EHBP1: variants seen among roughly 807,000 people sequenced by gnomAD.
The protein encoded by EHBP1 is EH domain-binding protein 1.
In EHBP1, 55 loss-of-function variants were observed where a neutral mutation model predicts 144.0. The ratio of observed to expected loss-of-function variants is 0.38; its 90% CI spans 0.31 to 0.48. The LOEUF (loss-of-function observed/expected upper bound fraction) is 0.48, where lower values mean the gene tolerates loss of function less well. EHBP1 is among the 20% of genes least tolerant of loss of function. The pLI, the probability that EHBP1 is intolerant of heterozygous loss-of-function variation, is 0.98. For missense variants in EHBP1, 1,200 were observed against 1,364.2 expected, an observed-to-expected ratio of 0.88 and a Z score of 1.90; for synonymous variants, 469 against 472.7, an observed-to-expected ratio of 0.99 and a Z score of 0.10.
chr2:62,681,265 C>T (rs1042060156), intron 1 of EHBP1, among the ~76,000 whole-genome samples: 9 of 145,870 alleles, frequency 6.2e-5, no homozygotes, highest in South Asian at 4.4e-4. Flanking sequence ...GAGATCATGC[C>T]ACTGCACTCC....
At chr2:62,679,971 C>CT (rs2151726433) in intron 1 of EHBP1, among the ~76,000 whole-genome samples, 1 of 152,288 alleles carries the variant, frequency 6.6e-6, no homozygotes, top group Non-Finnish European at 1.5e-5. Context: ...GCATGTTAAT[C>CT]CCCAACTCTT....
chr2:62,951,649 C>T lies in EHBP1; in HGVS notation c.2316+2487C>T, dbSNP rs572868689. On this transcript the variant is annotated intron_variant, in intron 13 of 22. Transcript: ENST00000431489. ...AAGTGATTCTCCTGCCTCAGCCTCC[C>T]GAGTAGCTGAGACTACAGGTGTGTA... Among the ~76,000 whole-genome samples the T allele has an allele frequency of 1.4e-3, 208 of 151,556 alleles. 1 individual carries two copies. The highest frequency in any genetic ancestry group is 4.6e-3 in the African/African-American group (191 of 41,316).
rs527324741 is a variant in EHBP1, at chr2:62,759,362, T to C, written c.163-4904T>C. The stretch of plus-strand genomic sequence containing the variant: ...CCTTTCTATTACTCAGAATGAAAAA[T>C]GATCAGGGCTCTCATAGTGCTGATG... On this transcript the variant is annotated intron_variant, in intron 3 of 22. Transcript: ENST00000431489. Among the ~76,000 whole-genome samples the C allele has an allele frequency of 7.9e-5, 12 of 152,266 alleles. No homozygotes were observed. The South Asian group carries it at 1.7e-3, about 21-fold the overall frequency.
chr2:62,878,590 C>G (rs2051092174), intron 10 of EHBP1, among the ~76,000 whole-genome samples: 1 of 152,144 alleles, frequency 6.6e-6, no homozygotes, highest in Non-Finnish European at 1.5e-5. Context: ...AAACTAAACC[C>G]AGCAGCACAT....
At chr2:62,804,595 A>T (rs1332417038) in intron 5 of EHBP1, among the ~76,000 whole-genome samples, 2 of 152,250 alleles carry the variant, frequency 1.3e-5, no homozygotes, top group African/African-American at 4.8e-5. Flanking sequence ...AAACTAACGT[A>T]TATTTAAAAT....
intron 2 of EHBP1, among the ~76,000 whole-genome samples, chr2:62,707,923 T>C (rs902950329): frequency 3.3e-5 from 5 of 152,240 alleles, no homozygotes; most frequent in Admixed American, 3.3e-4. Context: ...AGTGCTGGTC[T>C]GTGATTGGCT....
At chr2:62,764,132 G>A in intron 3 of EHBP1, 134 bp from the exon 4 acceptor site, 1 of 626,938 alleles carries the variant, frequency 1.6e-6, no homozygotes. Flanking sequence ...TACTACATAG[G>A]GTCAATATAC....
chr2:62,747,296 T>C, intron 2 of EHBP1, 99 bp from the exon 3 acceptor site: 1 of 956,948 alleles, frequency 1.0e-6, no homozygotes, highest in Non-Finnish European at 1.6e-6. Context: ...CTGCTTTATG[T>C]AGCCTAAAGC....
At chr2:62,939,758 G>A (rs2056624311) in intron 10 of EHBP1, among the ~76,000 whole-genome samples, 1 of 152,058 alleles carries the variant, frequency 6.6e-6, no homozygotes, top group Admixed American at 6.6e-5. Flanking sequence ...AGGGAAATGT[G>A]CAAAGGCCCC....
At chr2:62,763,386 A>C (rs1049869303) in intron 3 of EHBP1, among the ~76,000 whole-genome samples, 1 of 152,212 alleles carries the variant, frequency 6.6e-6, no homozygotes, top group African/African-American at 2.4e-5. Flanking sequence ...TCAATTAAGC[A>C]AATGAGTGAA....
chr2:63,012,207 T>C (rs1191663420), intron 19 of EHBP1, among the ~76,000 whole-genome samples: 2 of 152,138 alleles, frequency 1.3e-5, no homozygotes, highest in East Asian at 3.9e-4. Flanking sequence ...GCCTTGATGA[T>C]GACATACTAG....
chr2:62,899,400 G>A (rs1235693045), intron 10 of EHBP1, among the ~76,000 whole-genome samples: 3 of 152,212 alleles, frequency 2.0e-5, no homozygotes. Flanking sequence ...ATTTTGTAAT[G>A]TTTAGTATCT....
At chr2:62,910,298 C>T (rs1200201169) in intron 10 of EHBP1, among the ~76,000 whole-genome samples, 1 of 152,104 alleles carries the variant, frequency 6.6e-6, no homozygotes, top group East Asian at 1.9e-4. Context: ...TGGTTAAGTA[C>T]TTCAATTTTA....
intron 14 of EHBP1, among the ~76,000 whole-genome samples, chr2:62,967,610 G>A (rs1353810860): frequency 6.6e-6 from 1 of 152,070 alleles, no homozygotes; most frequent in Admixed American, 6.6e-5. Flanking sequence ...TGTATCTTAC[G>A]GGATTTTTCC....
At chr2:62,791,851 A>C (rs2043184912) in intron 5 of EHBP1, among the ~76,000 whole-genome samples, 1 of 152,018 alleles carries the variant, frequency 6.6e-6, no homozygotes, top group South Asian at 2.1e-4. Flanking sequence ...AATATTTATA[A>C]TGGTAGTTTA....
intron 1 of EHBP1, among the ~76,000 whole-genome samples, chr2:62,691,345 C>T (rs532900395): frequency 7.9e-5 from 12 of 152,144 alleles, no homozygotes; most frequent in Admixed American, 2.6e-4. Flanking sequence ...CCAAGATAGT[C>T]GCTAAAGCTC....
chr2:62,920,029 C>T (rs988530746), intron 10 of EHBP1, among the ~76,000 whole-genome samples: 3 of 151,948 alleles, frequency 2.0e-5, no homozygotes, highest in South Asian at 2.1e-4. Context: ...TTGGGATTCC[C>T]GGGAGTGGAA....
At chr2:62,946,934 AAAG>A (rs2057105914) in intron 12 of EHBP1, among the ~76,000 whole-genome samples, 1 of 152,218 alleles carries the variant, frequency 6.6e-6, no homozygotes, top group African/African-American at 2.4e-5. Flanking sequence ...CTGAATAAAA[AAAG>A]GCATTTTCCT....
At chr2:62,749,131 C>G (rs1363870141) in intron 3 of EHBP1, among the ~76,000 whole-genome samples, 2 of 152,100 alleles carry the variant, frequency 1.3e-5, no homozygotes, top group African/African-American at 4.8e-5. Context: ...CTATCCCTTC[C>G]CCATCCCCCC....
Sources: allele counts gnomAD v4.1 joint callset (sites outside exome capture counted in the v4.1 genomes callset), GRCh38; gene constraint gnomAD v4.1.1; transcripts MANE v1.5; gene names NCBI Gene and HGNC (gene_info 2026-07-23, HGNC 2026-07-21).